CTNNBL1: variants seen among roughly 807,000 people sequenced by gnomAD.
CTNNBL1 encodes the protein beta-catenin-like protein 1.
CTNNBL1 carries 31 observed loss-of-function variants against 72.7 expected under a neutral mutation model. That is an observed-to-expected ratio of 0.43 (90% CI 0.32 to 0.58). The LOEUF is 0.58. CTNNBL1 is among the 20% of genes least tolerant of loss of function. The pLI is 0.08. For missense variants in CTNNBL1, 534 were observed against 725.1 expected (o/e 0.74, Z 3.03); for synonymous variants, 240 against 267.3 (o/e 0.90, Z 1.00).
At chr20:37,733,728 C>G (rs2073149299) in intron 2 of CTNNBL1, among the ~76,000 whole-genome samples, 1 of 151,726 alleles carries the variant, frequency 6.6e-6, no homozygotes, top group South Asian at 2.1e-4. Context: ...AAGCCATTCT[C>G]TCATTTCCTC....
At chr20:37,716,580 T>C (rs1405661080) in intron 1 of CTNNBL1, among the ~76,000 whole-genome samples, 1 of 152,242 alleles carries the variant, frequency 6.6e-6, no homozygotes, top group African/African-American at 2.4e-5. Flanking sequence ...CTATTTCCTT[T>C]GAGTTGAGGA....
chr20:37,825,466 G>T (rs886214363), intron 11 of CTNNBL1, among the ~76,000 whole-genome samples: 1 of 152,062 alleles, frequency 6.6e-6, no homozygotes, highest in Non-Finnish European at 1.5e-5. Context: ...CTTGAAGTCA[G>T]GAGTTCAAGA....
At chr20:37,744,401 A>T (rs1051320451) in intron 3 of CTNNBL1, among the ~76,000 whole-genome samples, 2 of 152,214 alleles carry the variant, frequency 1.3e-5, no homozygotes, top group African/African-American at 4.8e-5. Flanking sequence ...GAATGCATAC[A>T]TCTTAGTGTC....
chr20:37,771,905 A>G (rs2073527771), intron 7 of CTNNBL1, among the ~76,000 whole-genome samples: 1 of 152,112 alleles, frequency 6.6e-6, no homozygotes, highest in Non-Finnish European at 1.5e-5. Context: ...AATTTTCTTC[A>G]TGCCCCCTTT....
In CTNNBL1 at chr20:37,777,442, A is replaced by T. The variant is rs1368080248; in HGVS notation, c.823+25A>T. The T allele has an allele frequency of 5.0e-6, 8 of 1,607,852 alleles. No homozygotes were observed. In the South Asian group the frequency reaches 7.7e-5, roughly 15 times the overall value. The stretch of plus-strand genomic sequence containing the variant: ...GGTGAGGCGCCCTCTCAGTATTGAT[A>T]TTCTGTTAGGATAGGAGCCAGGCTT... On this transcript the variant is annotated intron_variant, in intron 8 of 15. Transcript: ENST00000361383.
At chr20:37,728,231 CA>C (rs979954508) in intron 1 of CTNNBL1, among the ~76,000 whole-genome samples, 1 of 151,974 alleles carries the variant, frequency 6.6e-6, no homozygotes, top group African/African-American at 2.4e-5. Context: ...TACCAGATTC[CA>C]AGGACCTAGT....
intron 1 of CTNNBL1, among the ~76,000 whole-genome samples, chr20:37,714,558 A>C (rs1447422237): frequency 6.6e-6 from 1 of 152,256 alleles, no homozygotes; most frequent in African/African-American, 2.4e-5. Flanking sequence ...GTAATCTGAC[A>C]GTTGACTGGC....
At chr20:37,807,435 T>G (rs915095238) in intron 11 of CTNNBL1, among the ~76,000 whole-genome samples, 1 of 152,192 alleles carries the variant, frequency 6.6e-6, no homozygotes. Flanking sequence ...TTTACTGGCC[T>G]GTGGTCTAAT....
chr20:37,825,536 G>A (rs981863141), intron 11 of CTNNBL1, among the ~76,000 whole-genome samples: 1 of 152,182 alleles, frequency 6.6e-6, no homozygotes, highest in East Asian at 1.9e-4. Flanking sequence ...TTAGCTGGGC[G>A]TGGTGGTGGG....
intron 5 of CTNNBL1, among the ~76,000 whole-genome samples, chr20:37,760,193 G>A (rs2073403510): frequency 6.6e-6 from 1 of 152,160 alleles, no homozygotes; most frequent in African/African-American, 2.4e-5. Flanking sequence ...AGTGGTAAGC[G>A]AGAGGGTATA....
intron 15 of CTNNBL1, among the ~76,000 whole-genome samples, chr20:37,870,538 A>G (rs1436457578): frequency 6.6e-6 from 1 of 152,008 alleles, no homozygotes; most frequent in African/African-American, 2.4e-5. Flanking sequence ...CTATCTGTAA[A>G]TCCTATTGGA....
chr20:37,800,699 C>T (rs1034715700), intron 10 of CTNNBL1, among the ~76,000 whole-genome samples: 3 of 152,200 alleles, frequency 2.0e-5, no homozygotes, highest in African/African-American at 7.2e-5. Flanking sequence ...AATCTCAGAA[C>T]CAACATGTTG....
intron 1 of CTNNBL1, among the ~76,000 whole-genome samples, chr20:37,716,168 TC>T (rs1488207506): frequency 1.3e-5 from 2 of 152,222 alleles, no homozygotes; most frequent in African/African-American, 4.8e-5. Flanking sequence ...TAGAGCTTCT[TC>T]CTGCCCAGCA....
intron 11 of CTNNBL1, among the ~76,000 whole-genome samples, chr20:37,808,508 T>A (rs1381687245): frequency 1.3e-5 from 2 of 152,208 alleles, no homozygotes; most frequent in Non-Finnish European, 2.9e-5. Context: ...AGACCTAGTA[T>A]GTGACAGATC....
intron 3 of CTNNBL1, among the ~76,000 whole-genome samples, chr20:37,742,808 T>C (rs1392908654): frequency 1.3e-5 from 2 of 152,170 alleles, no homozygotes; most frequent in Non-Finnish European, 2.9e-5. Flanking sequence ...AATTACTTTA[T>C]TTATTTATTT....
intron 4 of CTNNBL1, among the ~76,000 whole-genome samples, chr20:37,754,128 A>G (rs1370960241): frequency 6.6e-6 from 1 of 152,232 alleles, no homozygotes; most frequent in East Asian, 1.9e-4. Context: ...ACTGTTTAAT[A>G]ATCATCACAT....
intron 1 of CTNNBL1, among the ~76,000 whole-genome samples, chr20:37,702,088 C>A: frequency 6.6e-6 from 1 of 152,142 alleles, no homozygotes; most frequent in South Asian, 2.1e-4. Flanking sequence ...CCTGTGTTGT[C>A]CAGGCTGGTC....
chr20:37,838,987 C>G (rs2122809288), intron 11 of CTNNBL1, among the ~76,000 whole-genome samples: 1 of 152,150 alleles, frequency 6.6e-6, no homozygotes, highest in South Asian at 2.1e-4. Flanking sequence ...CAGGACTGAC[C>G]TATAGGTTCA....
At chr20:37,734,972 G>C (rs2073159766) in intron 2 of CTNNBL1, among the ~76,000 whole-genome samples, 1 of 152,162 alleles carries the variant, frequency 6.6e-6, no homozygotes, top group South Asian at 2.1e-4. Context: ...TGTTAGCTAA[G>C]AAAAGAAAAA....
Sources: gnomAD v4.1 joint callset for allele counts (sites outside exome capture counted in the v4.1 genomes callset) on GRCh38, gnomAD v4.1.1 for gene constraint, MANE v1.5 for transcripts, NCBI Gene and HGNC (gene_info 2026-07-23, HGNC 2026-07-21) for gene names.